Variants in PACRG observed in about 807,000 individuals in gnomAD.
The protein encoded by PACRG is parkin coregulated.
PACRG carries 29 observed loss-of-function variants against 29.7 expected under a neutral mutation model. That is an observed-to-expected ratio of 0.98 (90% CI 0.73 to 1.33). The LOEUF (loss-of-function observed/expected upper bound fraction) is 1.33, where lower values mean the gene tolerates loss of function less well. PACRG is among the 40% of genes most tolerant of loss of function. The probability of loss-of-function intolerance (pLI) is 0.00; values close to 1 mark genes in which losing one functional copy is unlikely to be tolerated. For missense variants in PACRG, 279 were observed against 316.2 expected (o/e 0.88, Z 0.89); for synonymous variants, 116 against 118.7 (o/e 0.98, Z 0.15).
chr6:162,752,556 C>A (rs1398844650), intron 1 of PACRG, among the ~76,000 whole-genome samples: 3 of 152,272 alleles, frequency 2.0e-5, no homozygotes, highest in East Asian at 3.9e-4. Context: ...CAAAGCCCCA[C>A]AAGTCTTGTC....
intron 2 of PACRG, among the ~76,000 whole-genome samples, chr6:163,049,823 AT>A (rs1809808961): frequency 6.6e-6 from 1 of 152,038 alleles, no homozygotes; most frequent in Non-Finnish European, 1.5e-5. Flanking sequence ...GTAGTCATTT[AT>A]TTTTTATAGA....
chr6:163,295,250 A>T (rs7767386), intron 4 of PACRG, among the ~76,000 whole-genome samples: 21,711 of 152,216 alleles, frequency 0.14, 3,008 homozygotes, highest in African/African-American at 0.36. Context: ...GTAAATGCAT[A>T]CAAAAGAAAA....
At chr6:163,183,813 A>G (rs1277382866) in intron 4 of PACRG, among the ~76,000 whole-genome samples, 1 of 152,248 alleles carries the variant, frequency 6.6e-6, no homozygotes, top group Non-Finnish European at 1.5e-5. Context: ...TGATAAAAAT[A>G]TAACTGTAAC....
chr6:163,265,865 T>A (rs950777872), intron 4 of PACRG, among the ~76,000 whole-genome samples: 2 of 152,186 alleles, frequency 1.3e-5, no homozygotes, highest in African/African-American at 4.8e-5. Flanking sequence ...TTACCATAAT[T>A]CCGAGTCAAA....
intron 2 of PACRG, among the ~76,000 whole-genome samples, chr6:162,955,574 C>T (rs1221409396): frequency 6.6e-6 from 1 of 152,230 alleles, no homozygotes; most frequent in African/African-American, 2.4e-5. Flanking sequence ...GCTGGGATTA[C>T]AGGTGTGAGC....
intron 2 of PACRG, among the ~76,000 whole-genome samples, chr6:162,917,796 A>G (rs1163946230): frequency 1.3e-5 from 2 of 152,146 alleles, no homozygotes; most frequent in African/African-American, 4.8e-5. Flanking sequence ...TCTCACTATG[A>G]TATTTGTTGA....
chr6:162,880,891 G>A (rs1051078231), intron 2 of PACRG, among the ~76,000 whole-genome samples: 10 of 152,290 alleles, frequency 6.6e-5, no homozygotes, highest in African/African-American at 2.2e-4. Context: ...CAAAGCATGC[G>A]CCAGGGGTGC....
At chr6:163,302,493 G>A (rs1189242166) in intron 4 of PACRG, among the ~76,000 whole-genome samples, 1 of 152,174 alleles carries the variant, frequency 6.6e-6, no homozygotes, top group East Asian at 1.9e-4. Context: ...AGTTGTAAAA[G>A]GCGTGATGGA....
chr6:163,307,195 T>C (rs1785222855), intron 4 of PACRG, among the ~76,000 whole-genome samples: 1 of 152,202 alleles, frequency 6.6e-6, no homozygotes, highest in Non-Finnish European at 1.5e-5. Context: ...TAGGCCAAGA[T>C]TCATGATCTC....
chr6:163,186,085 G>A (rs1282111380), intron 4 of PACRG, among the ~76,000 whole-genome samples: 1 of 152,160 alleles, frequency 6.6e-6, no homozygotes, highest in Non-Finnish European at 1.5e-5. Flanking sequence ...TCTCAGCTCA[G>A]CTTGCAGGCA....
chr6:162,781,566 T>A (rs1784093689), intron 1 of PACRG, among the ~76,000 whole-genome samples: 1 of 151,810 alleles, frequency 6.6e-6, no homozygotes, highest in African/African-American at 2.4e-5. Context: ...AATTACAATG[T>A]AATAAGGTTC....
intron 2 of PACRG, among the ~76,000 whole-genome samples, chr6:163,022,920 A>G (rs61574044): frequency 0.17 from 25,228 of 152,176 alleles, 2,354 homozygotes; most frequent in East Asian, 0.26. Context: ...CTGATGGGCC[A>G]CCATGCTCAG....
In PACRG at chr6:163,215,399, A is replaced by G. The variant is rs530736084; in HGVS notation, c.614-99428A>G. ...TTTAGCAATAGCTTTAATAGCATGC[A>G]TTGTTATATTGTTCTGTTTTCTGTC... On this transcript the variant is annotated intron_variant, in intron 4 of 4. Transcript: ENST00000366888. Among the ~76,000 whole-genome samples, 6 of 152,322 alleles carry G rather than the reference A, an allele frequency of 3.9e-5. No individual in the cohort carries two copies. In the East Asian group the frequency reaches 1.2e-3, roughly 29 times the overall value.
chr6:162,794,334 A>G (rs1349613193), intron 1 of PACRG, among the ~76,000 whole-genome samples: 1 of 152,086 alleles, frequency 6.6e-6, no homozygotes, highest in African/African-American at 2.4e-5. Context: ...TTGGAGTACT[A>G]ATATGTTTTG....
At chr6:162,914,565 C>G (rs1373310943) in intron 2 of PACRG, among the ~76,000 whole-genome samples, 1 of 104,896 alleles carries the variant, frequency 9.5e-6, no homozygotes, top group East Asian at 2.8e-4. Context: ...TTTGCATTGA[C>G]TATAAATTTA....
intron 4 of PACRG, among the ~76,000 whole-genome samples, chr6:163,164,503 A>G (rs1195743248): frequency 6.6e-6 from 1 of 152,234 alleles, no homozygotes; most frequent in Non-Finnish European, 1.5e-5. Flanking sequence ...GGGGATGGTT[A>G]TTAAGGGACC....
chr6:163,115,895 T>C (rs571108453), intron 4 of PACRG, among the ~76,000 whole-genome samples: 1 of 152,298 alleles, frequency 6.6e-6, no homozygotes, highest in Admixed American at 6.5e-5. Context: ...AACCACGCCC[T>C]AACAGAAGCG....
intron 4 of PACRG, among the ~76,000 whole-genome samples, chr6:163,186,110 G>C (rs1376444569): frequency 2.0e-5 from 3 of 152,192 alleles, no homozygotes; most frequent in African/African-American, 7.2e-5. Context: ...CTGAGACGCA[G>C]GCACTGCCCC....
intron 1 of PACRG, among the ~76,000 whole-genome samples, chr6:162,807,348 C>G (rs1195490488): frequency 6.6e-6 from 1 of 152,202 alleles, no homozygotes; most frequent in East Asian, 1.9e-4. Context: ...AAGAGGTCTT[C>G]CAGCCTGTCC....
Sources: allele counts gnomAD v4.1 joint callset (sites outside exome capture counted in the v4.1 genomes callset), GRCh38; gene constraint gnomAD v4.1.1; transcripts MANE v1.5; gene names NCBI Gene and HGNC (gene_info 2026-07-23, HGNC 2026-07-21).